Variants in SNX31 observed in about 807,000 individuals in gnomAD.
The protein encoded by SNX31 is sorting nexin-31.
In SNX31, 58 loss-of-function variants were observed where a neutral mutation model predicts 65.4. The observed-to-expected ratio is 0.89, with a 90% CI of 0.72 to 1.10. The LOEUF is 1.10. Among genes scored for constraint, SNX31 ranks in the 50% least tolerant of loss-of-function variants. The probability of loss-of-function intolerance (pLI) is 0.00; values close to 1 mark genes in which losing one functional copy is unlikely to be tolerated. For synonymous variants in SNX31, 181 were observed against 190.1 expected, an observed-to-expected ratio of 0.95 and a Z score of 0.39; for missense variants, 523 against 529.7, an observed-to-expected ratio of 0.99 and a Z score of 0.12.
intron 10 of SNX31, among the ~76,000 whole-genome samples, chr8:100,595,353 G>C (rs1015610089): frequency 6.7e-6 from 1 of 149,656 alleles, no homozygotes; most frequent in African/African-American, 2.5e-5. Context: ...CTGTTGCCTA[G>C]GTTGGAGTGC....
intron 2 of SNX31, among the ~76,000 whole-genome samples, chr8:100,646,980 T>C (rs7834381): frequency 0.066 from 9,989 of 152,274 alleles, 453 homozygotes; most frequent in Non-Finnish European, 0.095. Context: ...GCTTCACCTG[T>C]TAAATTGGAC....
intron 12 of SNX31, among the ~76,000 whole-genome samples, chr8:100,579,925 C>G (rs927298298): frequency 4.6e-5 from 7 of 151,748 alleles, no homozygotes; most frequent in African/African-American, 1.7e-4. Flanking sequence ...TTCGGGAGGC[C>G]AAGGCAGGCT....
Position 100,613,198 on chromosome 8 carries a change from T to C in SNX31, c.433-113A>G. On this transcript the variant is annotated intron_variant, in intron 5 of 13. Transcript: ENST00000311812. The surrounding 1 kb of genome is among the most constrained non-coding windows in gnomAD (Gnocchi z 5.2). ...TACACATCAATAAAAAATGCTGTCA[T>C]GGGTTAGTGAACACTCAAAGAAAGC... 6.3e-6 allele frequency: 5 copies of C among 798,374 alleles called. 1 individual carries two copies. In the South Asian group the frequency reaches 7.8e-5, roughly 12 times the overall value. The allele number at this position is 798,374 out of a possible 1,614,324, so 49.5% of individuals were successfully genotyped here.
rs547288340 is a variant in SNX31, at chr8:100,609,518, C to G, written c.612-955G>C. Among the ~76,000 whole-genome samples the G allele has an allele frequency of 6.6e-6, 1 of 152,054 alleles. No homozygotes were observed. The highest frequency in any genetic ancestry group is 1.5e-5 in the Non-Finnish European group (1 of 68,030). On this transcript the variant is annotated intron_variant, in intron 7 of 13. Transcript: ENST00000311812. This position sits in a 1 kb window ranked among gnomAD's most constrained non-coding sequence, Gnocchi z 4.9. Reference sequence around the variant, plus strand: ...TGTCTGCCTGTCAGATCCAGAATCACGAGGAACTGAAATTAATGACTGTAG... The same window carrying G: ...TGTCTGCCTGTCAGATCCAGAATCAGGAGGAACTGAAATTAATGACTGTAG...
upstream of SNX31, among the ~76,000 whole-genome samples, chr8:100,654,248 T>G (rs1820022804): frequency 6.6e-6 from 1 of 152,112 alleles, no homozygotes; most frequent in Non-Finnish European, 1.5e-5. Context: ...TGGTCTCAAG[T>G]GCTCCTCCCA....
At chr8:100,581,319 C>CTATATATATATATCTATATATATATATA (rs1261112864) in intron 12 of SNX31, among the ~76,000 whole-genome samples, 2 of 123,076 alleles carry the variant, frequency 1.6e-5, no homozygotes, top group African/African-American at 7.8e-5. Context: ...TTTTATATAT[C>CTATATATATATATCTATATATATATATA]TATATCTATC....
chr8:100,615,855 C>T (rs1563552727), intron 5 of SNX31, among the ~76,000 whole-genome samples: 1 of 152,120 alleles, frequency 6.6e-6, no homozygotes, highest in Admixed American at 6.5e-5. Flanking sequence ...CTGCAAGCTC[C>T]GCCTCCCGGG....
chr8:100,588,121 A>G lies in SNX31; in HGVS notation c.1092+745T>C, dbSNP rs1485010655. Among the ~76,000 whole-genome samples, 2 of 152,130 alleles carry G rather than the reference A, an allele frequency of 1.3e-5. No individual in the cohort carries two copies. Among genetic ancestry groups the G allele is most frequent in the Non-Finnish European group, 2.9e-5 (2 of 68,006 alleles). Reference sequence around the variant, plus strand: ...CAGGAAAAAGGTGAAACATTAAAAAAAAACATAAAAAAGGTACAGTAAAAA... The same window carrying G: ...CAGGAAAAAGGTGAAACATTAAAAAGAAACATAAAAAAGGTACAGTAAAAA... On this transcript the variant is annotated intron_variant, in intron 11 of 13. Transcript: ENST00000311812. This position sits in a 1 kb window ranked among gnomAD's most constrained non-coding sequence, Gnocchi z 4.8.
intron 7 of SNX31, among the ~76,000 whole-genome samples, chr8:100,611,558 C>A (rs1816710706): frequency 6.6e-6 from 1 of 152,076 alleles, no homozygotes; most frequent in African/African-American, 2.4e-5. Flanking sequence ...ATTTTCATTG[C>A]TTTTCTTTTC....
rs201853787 is a variant in SNX31 at position 100,612,972 on chromosome 8, T to C, written c.523+23A>G. On this transcript the variant is annotated intron_variant, in intron 6 of 13. Coordinates refer to ENST00000311812, the MANE Select transcript of SNX31 (RefSeq NM_152628.4). The surrounding 1 kb of genome is among the most constrained non-coding windows in gnomAD (Gnocchi z 4.3). ...CCTGTCCACCCCATCTCCTAGCTGATTCATTTGTTCCTTCCTTCTTACCAG... is the reference window on the plus strand; with the variant it reads ...CCTGTCCACCCCATCTCCTAGCTGACTCATTTGTTCCTTCCTTCTTACCAG... 5 of 1,606,400 alleles carry C rather than the reference T, an allele frequency of 3.1e-6. No homozygotes were observed. The African/African-American group carries it at 5.3e-5, about 17-fold the overall frequency.
intron 10 of SNX31, among the ~76,000 whole-genome samples, chr8:100,592,904 C>T (rs938205345): frequency 6.6e-6 from 1 of 152,134 alleles, no homozygotes; most frequent in Admixed American, 6.5e-5. Flanking sequence ...ATATACGGGT[C>T]GGAGTTAGCT....
chr8:100,631,319 T>C (rs890881896), intron 3 of SNX31, among the ~76,000 whole-genome samples: 4 of 152,132 alleles, frequency 2.6e-5, no homozygotes, highest in African/African-American at 9.7e-5. Context: ...GCCTGGTTCC[T>C]CCTGGTTTAC....
At chr8:100,577,824 A>C (rs1403302528) in intron 12 of SNX31, among the ~76,000 whole-genome samples, 1 of 152,160 alleles carries the variant, frequency 6.6e-6, no homozygotes, top group Admixed American at 6.5e-5. Flanking sequence ...CCAGCCCCAG[A>C]GACCCAGCAG....
intron 10 of SNX31, among the ~76,000 whole-genome samples, chr8:100,591,227 ATGT>A (rs1814544952): frequency 6.6e-6 from 1 of 152,198 alleles, no homozygotes; most frequent in Non-Finnish European, 1.5e-5. Context: ...GAAAGAGTTC[ATGT>A]TCCCATTGGC....
At chr8:100,607,811 T>C (rs1353768932) in intron 8 of SNX31, among the ~76,000 whole-genome samples, 1 of 152,216 alleles carries the variant, frequency 6.6e-6, no homozygotes, top group African/African-American at 2.4e-5. Context: ...AATGAAAATT[T>C]AATTTTTTAA....
intron 5 of SNX31, 148 bp downstream of exon 5, chr8:100,617,472 G>T: frequency 1.9e-6 from 1 of 534,222 alleles, no homozygotes; most frequent in Non-Finnish European, 3.3e-6. Flanking sequence ...TGTTCTCCCA[G>T]CAAATGCCAG....
At chr8:100,582,081 T>A (rs533428285) in intron 12 of SNX31, among the ~76,000 whole-genome samples, 26 of 152,238 alleles carry the variant, frequency 1.7e-4, no homozygotes, top group Non-Finnish European at 3.1e-4. Flanking sequence ...AATATTTGGA[T>A]AAAGCAATAC....
intron 8 of SNX31, among the ~76,000 whole-genome samples, chr8:100,603,082 T>C (rs1037402016): frequency 2.6e-5 from 4 of 152,158 alleles, no homozygotes; most frequent in African/African-American, 9.7e-5. Flanking sequence ...CAAGCCCTTC[T>C]TCCCTTGCCC....
At chr8:100,627,042 A>G (rs566284176) in intron 4 of SNX31, among the ~76,000 whole-genome samples, 58 of 152,326 alleles carry the variant, frequency 3.8e-4, no homozygotes, top group African/African-American at 1.3e-3. Context: ...AAACCTTTCA[A>G]ATTATCAGGA....
Sources: allele counts gnomAD v4.1 joint callset (sites outside exome capture counted in the v4.1 genomes callset), GRCh38; gene constraint gnomAD v4.1.1; non-coding constraint Gnocchi (gnomAD v3.1); transcripts MANE v1.5; gene names NCBI Gene and HGNC (gene_info 2026-07-23, HGNC 2026-07-21).